Variants in LY75 observed in about 807,000 individuals in gnomAD.
LY75 encodes C-type lectin domain family 13 member B.
In LY75, 185 loss-of-function variants were observed where a neutral mutation model predicts 231.7. That is an observed-to-expected ratio of 0.80 (90% CI 0.71 to 0.90). The LOEUF is 0.90. Among genes scored for constraint, LY75 ranks in the 40% least tolerant of loss-of-function variants. The probability of loss-of-function intolerance (pLI) is 0.00; values close to 1 mark genes in which losing one functional copy is unlikely to be tolerated. For synonymous variants in LY75, 668 were observed against 689.0 expected (o/e 0.97, Z 0.48); for missense variants, 1,947 against 2,050.2 (o/e 0.95, Z 0.97).
chr2:159,831,618 T>C, intron 28 of LY75, 52 bp downstream of exon 28: 1 of 1,574,692 alleles, frequency 6.4e-7, no homozygotes, highest in Non-Finnish European at 8.7e-7. Context: ...GATAATTATG[T>C]TATAATGAAG....
chr2:159,852,167 T>C, intron 21 of LY75, 34 bp downstream of exon 21: 1 of 1,606,688 alleles, frequency 6.2e-7, no homozygotes, highest in Non-Finnish European at 8.5e-7. Context: ...ATGGAAGCAA[T>C]CATTGTTGCA....
Position 159,848,093 on chromosome 2 carries a change from T to TATATACACACACACACACACACAC in LY75, c.3150+1886_3150+1887insGTGTGTGTGTGTGTGTGTGTATAT. Among the ~76,000 whole-genome samples, 251 of 28,424 alleles carry TATATACACACACACACACACACAC rather than the reference T, an allele frequency of 8.8e-3. 1 individual carries two copies. Among genetic ancestry groups the TATATACACACACACACACACACAC allele is most frequent in the Admixed American group, 0.021 (75 of 3,642 alleles). The allele number at this position is 28,424 out of a possible 152,430, so 18.6% of individuals were successfully genotyped here. ...GTATATATATATATATATATATATATACACACACACATACACACACCATAT... is the reference window on the plus strand; with the variant it reads ...GTATATATATATATATATATATATATATATACACACACACACACACACACACACACACACATACACACACCATAT... On this transcript the variant is annotated intron_variant, in intron 23 of 34. Transcript: ENST00000263636.
chr2:159,885,289 C>T lies in LY75; in HGVS notation c.918G>A (p.Arg306=), dbSNP rs2125878501. ...PLNFLNWDPD[R]PSAPTIGGSS... ...AGCCACCTATAGTAGGTGCACTGGGCCTGTCTTAAAAGGGAACATTTTTCA... is the reference window on the plus strand; with the variant it reads ...AGCCACCTATAGTAGGTGCACTGGGTCTGTCTTAAAAGGGAACATTTTTCA... The change falls in exon 6 of 35, where the codon AGG becomes AGA. Residue 306 remains arginine (R), a synonymous_variant. Coordinates refer to ENST00000263636, the MANE Select transcript of LY75 (RefSeq NM_002349.4). The T allele has an allele frequency of 6.2e-7, 1 of 1,612,696 alleles. No individual in the cohort carries two copies. Among genetic ancestry groups the T allele is most frequent in the Non-Finnish European group, 8.5e-7 (1 of 1,179,266 alleles).
At chr2:159,854,641 G>T in intron 17 of LY75, 106 bp from the exon 18 acceptor site, 2 of 1,336,656 alleles carry the variant, frequency 1.5e-6, no homozygotes, top group South Asian at 3.0e-5. Flanking sequence ...TCAGATTACC[G>T]GCCCTCTCTG....
intron 14 of LY75, among the ~76,000 whole-genome samples, chr2:159,863,150 T>C (rs1684764544): frequency 6.6e-6 from 1 of 152,196 alleles, no homozygotes; most frequent in Non-Finnish European, 1.5e-5. Flanking sequence ...TCCTTCCCTT[T>C]TATGGCTGAG....
At chr2:159,808,360 C>T in intron 33 of LY75, 89 bp downstream of exon 33, 2 of 1,603,728 alleles carry the variant, frequency 1.2e-6, no homozygotes, top group Middle Eastern at 1.7e-4. Flanking sequence ...GAATTAGCCA[C>T]TACTTAACAT....
Position 159,886,547 on chromosome 2 carries a change from A to T in LY75, c.803-17T>A, listed in dbSNP as rs753892056. 772 of 1,574,882 alleles carry T rather than the reference A, an allele frequency of 4.9e-4. No homozygotes were observed. Among genetic ancestry groups the T allele is most frequent in the Non-Finnish European group, 6.2e-4 (728 of 1,165,026 alleles). On this transcript the variant is annotated splice_polypyrimidine_tract_variant and intron_variant, in intron 4 of 34. Transcript: ENST00000263636. The stretch of plus-strand genomic sequence containing the variant: ...CTTCTTTTTCTGTAAGAATTAAAAA[A>T]TTTTTAAAAAGTGACAAAGTTGCCT...
intron 16 of LY75, 113 bp downstream of exon 16, chr2:159,858,249 C>T: frequency 7.5e-7 from 1 of 1,330,302 alleles, no homozygotes; most frequent in Admixed American, 2.7e-5. Flanking sequence ...GCATCATCAT[C>T]ATAGGCTTTT....
intron 32 of LY75, 122 bp from the exon 33 acceptor site, chr2:159,808,693 C>T (rs1442170748): frequency 1.5e-6 from 2 of 1,362,092 alleles, no homozygotes; most frequent in South Asian, 1.6e-5. Context: ...TCAAGCCTTA[C>T]ACAGAGACAG....
At chr2:159,876,641 C>T (rs771014709) in intron 11 of LY75, among the ~76,000 whole-genome samples, 2 of 152,026 alleles carry the variant, frequency 1.3e-5, no homozygotes, top group Non-Finnish European at 2.9e-5. Context: ...GTCATGGTAG[C>T]TACTTCCCAA....
chr2:159,887,915 G>A (rs971233311), intron 4 of LY75, among the ~76,000 whole-genome samples: 21 of 152,188 alleles, frequency 1.4e-4, no homozygotes, highest in African/African-American at 3.4e-4. Flanking sequence ...TGAAGTCATC[G>A]GTTTCCAAAT....
intron 5 of LY75, 91 bp from the exon 6 acceptor site, chr2:159,885,384 C>G: frequency 1.3e-6 from 2 of 1,493,800 alleles, no homozygotes; most frequent in Non-Finnish European, 1.8e-6. Context: ...TAATTTTATG[C>G]TTTTATGGGA....
At chr2:159,904,527 G>A in intron 1 of LY75, 62 bp downstream of exon 1, 8 of 1,453,852 alleles carry the variant, frequency 5.5e-6, no homozygotes, top group Non-Finnish European at 7.3e-6. Context: ...CAGGCTGGAA[G>A]GCAGCAGAGC....
chr2:159,872,016 G>A (rs1685029165), intron 13 of LY75: 1 of 154,822 alleles, frequency 6.5e-6, no homozygotes, highest in South Asian at 2.0e-4. Context: ...TCTGGTCTTA[G>A]TTCCTTTGCT....
At position 159,833,899 on chromosome 2, in the gene LY75, G is replaced by T. The variant is rs1437684105; in HGVS notation, c.3841+145C>A. 8 of 853,084 alleles carry T rather than the reference G, an allele frequency of 9.4e-6. No individual in the cohort carries two copies. The South Asian group carries it at 9.6e-5, about 10-fold the overall frequency. The allele number at this position is 853,084 out of a possible 1,614,324, so 52.8% of individuals were successfully genotyped here. A position where few individuals can be genotyped will look rare whatever the true frequency, so the allele number is the denominator to read the frequency against. On this transcript the variant is annotated intron_variant, in intron 27 of 34. Transcript: ENST00000263636. ...CCTGCTGCCATGTAAACATGTCTTTGCTTCTCCTTTGCCTTCTGCCATGAT... is the reference window on the plus strand; with the variant it reads ...CCTGCTGCCATGTAAACATGTCTTTTCTTCTCCTTTGCCTTCTGCCATGAT...
intron 28 of LY75, among the ~76,000 whole-genome samples, 180 bp downstream of exon 28, chr2:159,831,490 T>G (rs1048580960): frequency 2.0e-5 from 3 of 152,214 alleles, no homozygotes; most frequent in Admixed American, 1.3e-4. Flanking sequence ...AACTTTAAAC[T>G]CGATGATAAA....
At chr2:159,821,560 G>T (rs1683290110) in intron 28 of LY75, among the ~76,000 whole-genome samples, 1 of 148,228 alleles carries the variant, frequency 6.7e-6, no homozygotes, top group Admixed American at 6.9e-5. Context: ...AGGTAGCAGT[G>T]AGCCAAGATC....
intron 25 of LY75, among the ~76,000 whole-genome samples, chr2:159,836,799 A>G (rs547331509): frequency 6.6e-6 from 1 of 152,336 alleles, no homozygotes; most frequent in Non-Finnish European, 1.5e-5. Flanking sequence ...CCCTTCGGCC[A>G]TGCGACTTTG....
rs1159423984 is a variant in LY75 at position 159,851,096 on chromosome 2, CTG to C, written c.2884-631_2884-630del. 3.3e-5 allele frequency among the ~76,000 whole-genome samples: 5 copies of C among 151,922 alleles called. 1 individual carries two copies. The highest frequency in any genetic ancestry group is 9.6e-5 in the African/African-American group (4 of 41,464). On this transcript the variant is annotated intron_variant, in intron 21 of 34. Transcript: ENST00000263636. ...CATCATCTCCTTATGTCAAGAAACA[CTG>C]TTGAAAAATTCATCTCTTTCTTGGC...
Sources: gnomAD v4.1 joint callset for allele counts (sites outside exome capture counted in the v4.1 genomes callset) on GRCh38, gnomAD v4.1.1 for gene constraint, MANE v1.5 for transcripts, NCBI Gene and HGNC (gene_info 2026-07-23, HGNC 2026-07-21) for gene names.